Variants in NOL10 observed in about 807,000 individuals in gnomAD.
NOL10 encodes nucleolar protein 10, also known as H_NH0074G24.1.
A neutral mutation model predicts 103.5 loss-of-function variants in NOL10; 58 were observed. That is an observed-to-expected ratio of 0.56 (90% CI 0.45 to 0.70). The LOEUF is 0.70. NOL10 is among the 30% of genes least tolerant of loss of function. The pLI, the probability that NOL10 is intolerant of heterozygous loss-of-function variation, is 0.00. For synonymous variants in NOL10, 287 were observed against 282.5 expected (o/e 1.02, Z -0.16); for missense variants, 763 against 807.3 (o/e 0.95, Z 0.67).
intron 6 of NOL10, 91 bp from the exon 7 acceptor site, chr2:10,668,814 A>T (rs1394979673): frequency 9.0e-6 from 4 of 446,074 alleles, no homozygotes; most frequent in Non-Finnish European, 1.6e-5. Flanking sequence ...ATTACTCATA[A>T]GCCACCACTT....
chr2:10,659,024 G>C, intron 10 of NOL10, 148 bp downstream of exon 10: 3 of 646,442 alleles, frequency 4.6e-6, no homozygotes, highest in Middle Eastern at 2.5e-4. Flanking sequence ...TTCTCAAGGT[G>C]TGGAAGAATC....
intron 19 of NOL10, among the ~76,000 whole-genome samples, chr2:10,583,662 G>A (rs1461108864): frequency 1.3e-5 from 2 of 152,106 alleles, no homozygotes; most frequent in Non-Finnish European, 2.9e-5. Context: ...ATATTATTAG[G>A]AACTGATGGT....
intron 9 of NOL10, 92 bp from the exon 10 acceptor site, chr2:10,659,342 G>T (rs759858518): frequency 6.0e-3 from 74 of 12,318 alleles, no homozygotes; most frequent in Admixed American, 0.014. Context: ...CAAATCTAAT[G>T]GGGGGGGGGG....
At position 10,605,884 on chromosome 2, in the gene NOL10, T is replaced by C. The variant is rs140547201; in HGVS notation, c.1153+1301A>G. The stretch of plus-strand genomic sequence containing the variant: ...CGCCTGGATTAACTGTGCTATGAGA[T>C]ATGGGTTAAAAAGGAAGTTTAATTA... On this transcript the variant is annotated intron_variant, in intron 14 of 20. Transcript: ENST00000381685. Among the ~76,000 whole-genome samples the C allele has an allele frequency of 5.2e-3, 790 of 152,356 alleles. 2 individuals carry two copies. The highest frequency in any genetic ancestry group is 8.1e-3 in the Non-Finnish European group (552 of 68,040).
chr2:10,603,252 T>G, intron 14 of NOL10, 95 bp from the exon 15 acceptor site: 1 of 852,544 alleles, frequency 1.2e-6, no homozygotes, highest in Non-Finnish European at 1.9e-6. Flanking sequence ...ATAGTAAGAT[T>G]TCACTTCAGA....
chr2:10,689,749 G>A (rs370232875), intron 1 of NOL10, 47 bp downstream of exon 1: 13 of 1,549,300 alleles, frequency 8.4e-6, no homozygotes, highest in Non-Finnish European at 1.1e-5. Context: ...CCACGAGGAG[G>A]ACGACCCCCA....
At chr2:10,669,907 A>AATAATG (rs1265445295) in intron 6 of NOL10, among the ~76,000 whole-genome samples, 2 of 150,872 alleles carry the variant, frequency 1.3e-5, no homozygotes, top group Non-Finnish European at 2.9e-5. Flanking sequence ...TAATAATAAT[A>AATAATG]ATAATGATAA....
chr2:10,610,143 T>C (rs1156421380), intron 13 of NOL10, among the ~76,000 whole-genome samples: 2 of 152,194 alleles, frequency 1.3e-5, no homozygotes, highest in East Asian at 1.9e-4. Context: ...TTGATTCCTA[T>C]ACAAGGGTAC....
chr2:10,572,258 C>T, intron 20 of NOL10, 68 bp from the exon 21 acceptor site: 3 of 1,550,184 alleles, frequency 1.9e-6, no homozygotes, highest in Non-Finnish European at 2.7e-6. Flanking sequence ...TGGTAACCGT[C>T]AGGCTGCCAA....
At chr2:10,584,573 T>A (rs539539370) in intron 19 of NOL10, among the ~76,000 whole-genome samples, 2 of 152,206 alleles carry the variant, frequency 1.3e-5, no homozygotes, top group Non-Finnish European at 1.5e-5. Flanking sequence ...TCTGATGTTG[T>A]CTCTTGTTGA....
intron 11 of NOL10, 85 bp from the exon 12 acceptor site, chr2:10,654,632 T>C (rs1679703293): frequency 1.4e-6 from 1 of 695,182 alleles, no homozygotes; most frequent in South Asian, 1.9e-5. Flanking sequence ...AACTCAACCA[T>C]CTACTCCTAT....
At chr2:10,572,976 G>A (rs1051305874) in intron 20 of NOL10, among the ~76,000 whole-genome samples, 1 of 151,950 alleles carries the variant, frequency 6.6e-6, no homozygotes, top group Non-Finnish European at 1.5e-5. Flanking sequence ...GAGCATCAGT[G>A]CAGAATCCAC....
At chr2:10,645,206 A>G (rs984753099) in intron 12 of NOL10, among the ~76,000 whole-genome samples, 12 of 152,246 alleles carry the variant, frequency 7.9e-5, no homozygotes, top group Non-Finnish European at 1.8e-4. Flanking sequence ...AGAGAATGTT[A>G]AAGCTAAAGT....
At chr2:10,680,072 C>T (rs7603803) in intron 3 of NOL10, among the ~76,000 whole-genome samples, 31,073 of 151,758 alleles carry the variant, frequency 0.2, 4,181 homozygotes, top group Non-Finnish European at 0.3. Context: ...GCAAGGAGTT[C>T]GAGACCAGCC....
chr2:10,609,583 G>C (rs1404720302), intron 13 of NOL10, among the ~76,000 whole-genome samples: 3 of 152,114 alleles, frequency 2.0e-5, no homozygotes, highest in East Asian at 1.9e-4. Context: ...CTGGGCGACA[G>C]AGCGAGACTC....
chr2:10,677,855 G>GTA (rs1681427228), intron 3 of NOL10, among the ~76,000 whole-genome samples: 1 of 136,020 alleles, frequency 7.4e-6, no homozygotes, highest in East Asian at 2.6e-4. Flanking sequence ...GTGTGTGTGT[G>GTA]TGTGTGTGTG....
intron 13 of NOL10, among the ~76,000 whole-genome samples, chr2:10,640,573 C>A (rs1572354790): frequency 6.6e-6 from 1 of 152,122 alleles, no homozygotes; most frequent in South Asian, 2.1e-4. Flanking sequence ...ATAAGATAAG[C>A]TAACATTTGT....
chr2:10,581,819 C>CAAA (rs67122094), intron 19 of NOL10, among the ~76,000 whole-genome samples: 14,367 of 151,792 alleles, frequency 0.095, 832 homozygotes, highest in Admixed American at 0.16. Context: ...AGACCCATCT[C>CAAA]AAAAAATAAC....
intron 1 of NOL10, among the ~76,000 whole-genome samples, chr2:10,687,862 A>T (rs1427138505): frequency 6.6e-6 from 1 of 152,186 alleles, no homozygotes; most frequent in African/African-American, 2.4e-5. Context: ...CTGAGGCAGG[A>T]GAATCGCTTG....
Sources: allele counts gnomAD v4.1 joint callset (sites outside exome capture counted in the v4.1 genomes callset), GRCh38; gene constraint gnomAD v4.1.1; transcripts MANE v1.5; gene names NCBI Gene and HGNC (gene_info 2026-07-23, HGNC 2026-07-21).